HSD17B12: variants seen among roughly 807,000 people sequenced by gnomAD.
The protein encoded by HSD17B12 is very-long-chain 3-oxoacyl-CoA reductase.
Under a neutral mutation model 39.3 loss-of-function variants are expected in HSD17B12, and 32 were observed. The ratio of observed to expected loss-of-function variants is 0.81; its 90% CI spans 0.61 to 1.09. HSD17B12 has a LOEUF of 1.09. HSD17B12 is among the 50% of genes least tolerant of loss of function. The pLI, the probability that HSD17B12 is intolerant of heterozygous loss-of-function variation, is 0.00. For missense variants in HSD17B12, 342 were observed against 382.9 expected (o/e 0.89, Z 0.89); for synonymous variants, 150 against 146.7 (o/e 1.02, Z -0.16).
chr11:43,828,427 C>T (rs1418162178), intron 6 of HSD17B12, among the ~76,000 whole-genome samples: 2 of 151,856 alleles, frequency 1.3e-5, no homozygotes, highest in Non-Finnish European at 2.9e-5. Context: ...AGGCGTGAGC[C>T]ACCGCGCCCG....
chr11:43,688,527 C>T (rs111412862), intron 1 of HSD17B12, among the ~76,000 whole-genome samples: 4 of 152,172 alleles, frequency 2.6e-5, no homozygotes, highest in Non-Finnish European at 5.9e-5. Flanking sequence ...CAAAACAATG[C>T]GTTTGCCCTA....
chr11:43,734,612 C>T, intron 1 of HSD17B12: 3 of 381,808 alleles, frequency 7.9e-6, no homozygotes, highest in Non-Finnish European at 1.5e-5. Context: ...GGCCACAGCC[C>T]CGATGATTCT....
chr11:43,772,043 T>G (rs1950655679), intron 3 of HSD17B12, among the ~76,000 whole-genome samples: 2 of 152,194 alleles, frequency 1.3e-5, no homozygotes, highest in South Asian at 2.1e-4. Flanking sequence ...TATATCTCTG[T>G]CTCTCTCGAA....
intron 1 of HSD17B12, among the ~76,000 whole-genome samples, chr11:43,684,041 T>C (rs147508906): frequency 6.6e-6 from 1 of 152,226 alleles, no homozygotes; most frequent in Non-Finnish European, 1.5e-5. Flanking sequence ...TTCCTTAGTG[T>C]TGTTAGGCTT....
chr11:43,711,012 C>T (rs932262442), intron 1 of HSD17B12, among the ~76,000 whole-genome samples: 15 of 152,220 alleles, frequency 9.9e-5, no homozygotes, highest in Middle Eastern at 3.4e-3. Flanking sequence ...AGGCTGGTCT[C>T]GAACTCCTGA....
the HSD17B12 span, among the ~76,000 whole-genome samples, chr11:43,650,701 A>G: frequency 6.6e-6 from 1 of 152,238 alleles, no homozygotes; most frequent in Non-Finnish European, 1.5e-5. Flanking sequence ...GAGGTTCTTC[A>G]TCACTGGAGG....
chr11:43,729,252 T>C (rs11037584), intron 1 of HSD17B12, among the ~76,000 whole-genome samples: 1,735 of 152,318 alleles, frequency 0.011, 19 homozygotes, highest in East Asian at 0.045. Flanking sequence ...ATGAGGACTA[T>C]TGTACATCTA....
Position 43,816,358 on chromosome 11 carries a change from A to G in HSD17B12, c.468A>G (p.Lys156=), listed in dbSNP as rs1224757759. 6.6e-7 allele frequency: 1 copy of G among 1,510,878 alleles called. No homozygotes were observed. The highest frequency in any genetic ancestry group is 9.0e-7 in the Non-Finnish European group (1 of 1,115,316). 93.6% of individuals were successfully genotyped at this position (1,510,878 alleles called of 1,614,324 possible). The part of the protein sequence containing the change: ...DVPDLDNVIK[K]MININILSVC... ...ATATTTTTTTGCAGGTGATCAAGAAAATGATAAATATTAATATTCTTTCTG... is the reference window on the plus strand; with the variant it reads ...ATATTTTTTTGCAGGTGATCAAGAAGATGATAAATATTAATATTCTTTCTG... The change falls in exon 6 of 11, where the codon AAA becomes AAG. Residue 156 remains lysine (K), a synonymous_variant. Coordinates refer to ENST00000278353, the MANE Select transcript of HSD17B12 (RefSeq NM_016142.3).
At chr11:43,711,915 G>GC (rs1019569903) in intron 1 of HSD17B12, among the ~76,000 whole-genome samples, 5 of 151,938 alleles carry the variant, frequency 3.3e-5, no homozygotes, top group Admixed American at 6.6e-5. Flanking sequence ...AATTTGAAGG[G>GC]CCCCCCAGCC....
chr11:43,691,415 A>G (rs1190389399), intron 1 of HSD17B12, among the ~76,000 whole-genome samples: 1 of 152,216 alleles, frequency 6.6e-6, no homozygotes, highest in African/African-American at 2.4e-5. Flanking sequence ...CAGTGGCTAG[A>G]TGCATCAAGT....
At chr11:43,672,512 GA>G in the HSD17B12 span, among the ~76,000 whole-genome samples, 1 of 152,130 alleles carries the variant, frequency 6.6e-6, no homozygotes, top group East Asian at 1.9e-4. Context: ...AAGTGACTTT[GA>G]AGTTGATATT....
rs371288218 is a variant in HSD17B12, at chr11:43,812,181, CG to C, written c.392-3251del. On this transcript the variant is annotated intron_variant, in intron 4 of 10. Transcript: ENST00000278353. ...ATTGTGAATGATGCTGCAATAAACA[CG>C]GGGGTGCAGGTATCTATTTGATATA... Among the ~76,000 whole-genome samples the C allele has an allele frequency of 1.4e-4, 21 of 152,188 alleles. No homozygotes were observed. The East Asian group carries it at 4.0e-3, about 29-fold the overall frequency.
chr11:43,835,346 T>A (rs1349943233), intron 7 of HSD17B12, among the ~76,000 whole-genome samples: 1 of 152,164 alleles, frequency 6.6e-6, no homozygotes, highest in African/African-American at 2.4e-5. Flanking sequence ...GCGAGTCTTT[T>A]GTGCCTTGCA....
chr11:43,603,524 A>G, the HSD17B12 span, among the ~76,000 whole-genome samples: 3 of 152,232 alleles, frequency 2.0e-5, no homozygotes, highest in Admixed American at 6.5e-5. Flanking sequence ...GAACTGATGC[A>G]GAAGGAGACA....
the HSD17B12 span, among the ~76,000 whole-genome samples, chr11:43,599,981 A>G: frequency 6.6e-6 from 1 of 152,158 alleles, no homozygotes; most frequent in African/African-American, 2.4e-5. Context: ...GGTTGTAGTC[A>G]TTATCCTTTA....
the HSD17B12 span, among the ~76,000 whole-genome samples, chr11:43,628,277 C>G: frequency 1.3e-5 from 2 of 151,976 alleles, no homozygotes; most frequent in Non-Finnish European, 2.9e-5. Flanking sequence ...TGATCACTTT[C>G]CACTGTCACT....
At chr11:43,849,385 A>C (rs1164059614) in intron 9 of HSD17B12, among the ~76,000 whole-genome samples, 1 of 152,158 alleles carries the variant, frequency 6.6e-6, no homozygotes, top group South Asian at 2.1e-4. Flanking sequence ...TCTCTTTCAC[A>C]ATGAAACCAT....
the HSD17B12 span, among the ~76,000 whole-genome samples, chr11:43,576,059 C>T: frequency 1.3e-5 from 2 of 152,150 alleles, no homozygotes; most frequent in African/African-American, 2.4e-5. Flanking sequence ...TGCCCCCCCA[C>T]CCCCTACTTT....
intron 1 of HSD17B12, chr11:43,733,814 C>T: frequency 2.8e-6 from 2 of 712,940 alleles, no homozygotes; most frequent in Non-Finnish European, 5.0e-6. Flanking sequence ...TTAGCCGTTG[C>T]AGGAGGTGTG....
Sources: gnomAD v4.1 joint callset for allele counts (sites outside exome capture counted in the v4.1 genomes callset) on GRCh38, gnomAD v4.1.1 for gene constraint, MANE v1.5 for transcripts, NCBI Gene and HGNC (gene_info 2026-07-23, HGNC 2026-07-21) for gene names.